Variants in THBS3 observed in about 807,000 individuals in gnomAD.
The protein encoded by THBS3 is thrombospondin-3.
In THBS3, 78 loss-of-function variants were observed where a neutral mutation model predicts 118.3. That is an observed-to-expected ratio of 0.66 (90% CI 0.55 to 0.80). The LOEUF (loss-of-function observed/expected upper bound fraction) is 0.80. THBS3 is among the 30% of genes least tolerant of loss of function. THBS3 has a pLI of 0.00. For missense variants in THBS3, 1,057 were observed against 1,247.4 expected (o/e 0.85, Z 2.30); for synonymous variants, 427 against 475.3 (o/e 0.90, Z 1.32).
At chr1:155,199,691 G>T in intron 16 of THBS3, 113 bp downstream of exon 16, 1 of 1,083,784 alleles carries the variant, frequency 9.2e-7, no homozygotes, top group Non-Finnish European at 1.4e-6. Context: ...GGAGACGGAG[G>T]TTGCAGTGAG....
chr1:155,208,659 TA>T, upstream of THBS3: 2 of 900,996 alleles, frequency 2.2e-6, no homozygotes, highest in Non-Finnish European at 3.2e-6. Flanking sequence ...TCCCGTCACC[TA>T]AGCGACAGCC....
chr1:155,196,110 C>T lies in THBS3; in HGVS notation c.2689G>A (p.Gly897Arg). 1 of 1,614,110 alleles carries T rather than the reference C, an allele frequency of 6.2e-7. No homozygotes were observed. The highest frequency in any genetic ancestry group is 8.5e-7 in the Non-Finnish European group (1 of 1,180,026). The part of the protein sequence containing the change: ...VGYIRVKLYE[G>R]PQLVADSGVI... ...CCAGAATCCGCCACAAGCTGGGGTC[C>T]CTCATAGAGCTTCACCCTGTCCAGG... Residue 897 changes from glycine to arginine, a missense_variant, in exon 22 of 23, where the codon GGA becomes AGA. Gly to Arg is a moderately radical substitution (Grantham distance 125). Coordinates refer to ENST00000368378, the MANE Select transcript of THBS3 (RefSeq NM_007112.5).
intron 4 of THBS3, among the ~76,000 whole-genome samples, chr1:155,203,842 T>A (rs1339279401): frequency 7.3e-6 from 1 of 136,912 alleles, no homozygotes; most frequent in Non-Finnish European, 1.6e-5. Flanking sequence ...TATATCCCCA[T>A]TTTTTTTTTT....
At chr1:155,209,051 C>T, upstream of THBS3, 1 of 1,542,292 alleles carries the variant, frequency 6.5e-7, no homozygotes, top group African/African-American at 1.4e-5. Context: ...CTGGATGGGC[C>T]GGCGGCCGCC....
At chr1:155,203,633 A>C (rs1670133123) in intron 4 of THBS3, 94 bp from the exon 5 acceptor site, 2 of 1,483,998 alleles carry the variant, frequency 1.3e-6, no homozygotes, top group Non-Finnish European at 1.9e-6. Flanking sequence ...GGACAGGGAC[A>C]GGGCTGGAGC....
intron 4 of THBS3, among the ~76,000 whole-genome samples, chr1:155,203,796 A>G (rs1458082945): frequency 6.6e-6 from 1 of 152,138 alleles, no homozygotes; most frequent in African/African-American, 2.4e-5. Flanking sequence ...TGGTAGTGGC[A>G]GAAGGGATGG....
Position 155,195,790 on chromosome 1 carries a change from C to T in THBS3, c.*51G>A, listed in dbSNP as rs1668560103. ...GACCTCAGGGTCTCCAGGATGGACC[C>T]CAAGGCCAAAGGGTCTAAAATTCTG... On this transcript the variant is annotated 3_prime_UTR_variant, in exon 23 of 23. Transcript: ENST00000368378. 1 of 1,600,554 alleles carries T rather than the reference C, an allele frequency of 6.2e-7. No homozygotes were observed. The highest frequency in any genetic ancestry group is 1.3e-5 in the African/African-American group (1 of 74,718).
At chr1:155,204,585 C>CA (rs34989309) in intron 4 of THBS3, among the ~76,000 whole-genome samples, 32,317 of 137,780 alleles carry the variant, frequency 0.23, 5,065 homozygotes, top group East Asian at 0.75. Flanking sequence ...ACTCCATCAC[C>CA]AAAAAAAAAA....
At position 155,207,869 on chromosome 1, in the gene THBS3, G is replaced by A. The variant is rs1557882868; in HGVS notation, c.8C>T (p.Thr3Met). ME[T>M]QELRGALALL... ...AGCCAGGGCCCCCCGAAGTTCCTGCGTCTCCATGCCTCTCAGCCGGCTCAC... is the reference window on the plus strand; with the variant it reads ...AGCCAGGGCCCCCCGAAGTTCCTGCATCTCCATGCCTCTCAGCCGGCTCAC... Residue 3 changes from threonine to methionine, a missense_variant, in exon 1 of 23, where the codon ACG becomes ATG. Physicochemically the swap from Thr to Met is moderately conservative, Grantham distance 81. This residue lies in a region of THBS3 where 206 missense variants were observed against 205.7 expected (regional missense o/e 1.00). Coordinates refer to ENST00000368378, the MANE Select transcript of THBS3 (RefSeq NM_007112.5). 12 of 1,613,754 alleles carry A rather than the reference G, an allele frequency of 7.4e-6. No homozygotes were observed. In the South Asian group the frequency reaches 8.8e-5, roughly 12 times the overall value.
intron 16 of THBS3, among the ~76,000 whole-genome samples, chr1:155,199,391 C>T: frequency 7.3e-6 from 1 of 136,368 alleles, no homozygotes; most frequent in South Asian, 2.3e-4. Flanking sequence ...GCCTGGGCGA[C>T]AGAGCAAGAC....
chr1:155,201,258 C>A, intron 11 of THBS3, 54 bp from the exon 12 acceptor site: 2 of 1,608,570 alleles, frequency 1.2e-6, no homozygotes, highest in Non-Finnish European at 1.7e-6. Context: ...CCCCTCCTCC[C>A]TATATTTTCC....
At chr1:155,204,764 G>T (rs749098914) in intron 4 of THBS3, 91 bp downstream of exon 4, 2 of 1,183,458 alleles carry the variant, frequency 1.7e-6, no homozygotes, top group Admixed American at 3.4e-5. Flanking sequence ...CAAAGGAATG[G>T]GTTTTAAGGG....
Position 155,202,945 on chromosome 1 carries a change from C to T in THBS3, c.824G>A (p.Arg275His), listed in dbSNP as rs774015500. Residue 275 changes from arginine to histidine, a missense_variant, in exon 8 of 23, where the codon CGT becomes CAT. By Grantham distance (29) the Arg-to-His change is conservative. Around this residue, in one of 3 missense-constraint regions of THBS3, gnomAD observed 544 missense variants for 715.6 expected, o/e 0.76. Coordinates refer to ENST00000368378, the MANE Select transcript of THBS3 (RefSeq NM_007112.5). The surrounding 1 kb of genome is among the most constrained non-coding windows in gnomAD (Gnocchi z 5.5). ...GCAGGGATTGGGGCTGCAGTGGGAACGCTGCTCATGGAAGCCTGAGGGGTG... is the reference window on the plus strand; with the variant it reads ...GCAGGGATTGGGGCTGCAGTGGGAATGCTGCTCATGGAAGCCTGAGGGGTG... ...ECQVCGFHEQ[R>H]SHCSPNPCFR... The T allele has an allele frequency of 1.2e-5, 20 of 1,613,854 alleles. No individual in the cohort carries two copies. Among genetic ancestry groups the T allele is most frequent in the Non-Finnish European group, 5.9e-6 (7 of 1,180,012 alleles).
Position 155,205,056 on chromosome 1 carries a change from T to C in THBS3, c.543+4A>G, listed in dbSNP as rs751482807. 7 of 1,612,878 alleles carry C rather than the reference T, an allele frequency of 4.3e-6. No homozygotes were observed. Among genetic ancestry groups the C allele is most frequent in the Non-Finnish European group, 5.9e-6 (7 of 1,179,240 alleles). On this transcript the variant is annotated splice_donor_region_variant and intron_variant, in intron 3 of 22. Coordinates refer to ENST00000368378, the MANE Select transcript of THBS3 (RefSeq NM_007112.5). ...ACAGAACTCAGAGGCTCCTCCCGGC[T>C]CACCTGCATCCTCAAATACGCCTTC...
intron 2 of THBS3, 130 bp from the exon 3 acceptor site, chr1:155,205,446 C>T: frequency 2.4e-6 from 3 of 1,249,204 alleles, no homozygotes; most frequent in Non-Finnish European, 3.3e-6. Context: ...TGGCTCTCAA[C>T]ACCTTGTATT....
chr1:155,203,351 C>T (rs769637857), intron 5 of THBS3, 46 bp from the exon 6 acceptor site: 10 of 1,603,946 alleles, frequency 6.2e-6, no homozygotes, highest in South Asian at 4.4e-5. Flanking sequence ...GAGCACCAGT[C>T]CTGGGCCCTC....
At position 155,206,067 on chromosome 1, in the gene THBS3, G is replaced by T; in HGVS notation, c.286+133C>A. 2 of 1,047,678 alleles carry T rather than the reference G, an allele frequency of 1.9e-6. No homozygotes were observed. Among genetic ancestry groups the T allele is most frequent in the Non-Finnish European group, 2.8e-6 (2 of 717,910 alleles). 64.9% of individuals were successfully genotyped at this position (1,047,678 alleles called of 1,614,324 possible). Reference sequence around the variant, plus strand: ...GCACCCCATACCAGGTGCCCCTGATGTCTGGGCACAGCCTGATGGGACCTT... The same window carrying T: ...GCACCCCATACCAGGTGCCCCTGATTTCTGGGCACAGCCTGATGGGACCTT... On this transcript the variant is annotated intron_variant, in intron 2 of 22. Coordinates refer to ENST00000368378, the MANE Select transcript of THBS3 (RefSeq NM_007112.5). This position sits in a 1 kb window ranked among gnomAD's most constrained non-coding sequence, Gnocchi z 4.2.
At chr1:155,198,777 C>T (rs1669130059) in intron 16 of THBS3, 175 bp from the exon 17 acceptor site, 1 of 607,676 alleles carries the variant, frequency 1.6e-6, no homozygotes, top group African/African-American at 1.8e-5. Flanking sequence ...AGAATAAATT[C>T]CTGCTGAATA....
At chr1:155,203,413 C>T (rs1379461577) in intron 5 of THBS3, 100 bp downstream of exon 5, 2 of 1,588,742 alleles carry the variant, frequency 1.3e-6, no homozygotes, top group African/African-American at 2.7e-5. Flanking sequence ...GCCTTTAAAC[C>T]TACTACATTC....
Sources: gnomAD v4.1 joint callset for allele counts (sites outside exome capture counted in the v4.1 genomes callset) on GRCh38, gnomAD v4.1.1 for gene constraint, gnomAD v4.1.1 regional missense constraint, Gnocchi (gnomAD v3.1) non-coding constraint, MANE v1.5 for transcripts, NCBI Gene and HGNC (gene_info 2026-07-23, HGNC 2026-07-21) for gene names.